The following WWOX variants were observed in gnomAD, a reference collection of about 807,000 sequenced individuals.
The protein encoded by WWOX is WW domain-containing oxidoreductase.
A neutral mutation model predicts 46.2 loss-of-function variants in WWOX; 69 were observed. The ratio of observed to expected loss-of-function variants is 1.49; its 90% CI spans 1.23 to 1.82. The LOEUF is 1.82. WWOX is among the 40% of genes most tolerant of loss of function. The probability of loss-of-function intolerance (pLI) is 0.00; values close to 1 mark genes in which losing one functional copy is unlikely to be tolerated. For synonymous variants in WWOX, 359 were observed against 202.6 expected, an observed-to-expected ratio of 1.77 and a Z score of -6.56; for missense variants, 919 against 542.6, an observed-to-expected ratio of 1.69 and a Z score of -6.89.
At chr16:78,337,913 G>A (rs1397102330) in intron 5 of WWOX, among the ~76,000 whole-genome samples, 1 of 114,702 alleles carries the variant, frequency 8.7e-6, no homozygotes, top group Non-Finnish European at 2.1e-5. Flanking sequence ...GGCAGTGCCT[G>A]TCCTGCTAAC....
chr16:78,876,965 T>C (rs2044246378), intron 8 of WWOX, among the ~76,000 whole-genome samples: 1 of 152,182 alleles, frequency 6.6e-6, no homozygotes, highest in South Asian at 2.1e-4. Flanking sequence ...GTTTCCTCTG[T>C]ATAGTCTTAT....
chr16:78,164,110 G>T, intron 4 of WWOX, 73 bp from the exon 5 acceptor site: 2 of 1,378,758 alleles, frequency 1.5e-6, no homozygotes, highest in South Asian at 1.2e-5. Context: ...GTGGTGCTCC[G>T]GTAAAGGCCA....
At chr16:78,269,938 C>A (rs78774620) in intron 5 of WWOX, among the ~76,000 whole-genome samples, 18,042 of 110,770 alleles carry the variant, frequency 0.16, 1,270 homozygotes, top group Middle Eastern at 0.25. Context: ...TTTTTACTTT[C>A]ACCAGGTATT....
intron 5 of WWOX, among the ~76,000 whole-genome samples, chr16:78,275,044 G>A (rs1353786424): frequency 6.6e-6 from 1 of 152,128 alleles, no homozygotes; most frequent in Non-Finnish European, 1.5e-5. Flanking sequence ...GAGCTCCCAT[G>A]ATATAACAGG....
At chr16:78,578,241 T>G (rs1287772766) in intron 8 of WWOX, among the ~76,000 whole-genome samples, 1 of 126,726 alleles carries the variant, frequency 7.9e-6, no homozygotes, top group African/African-American at 2.8e-5. Flanking sequence ...CAAATATATG[T>G]GCATACCAAA....
chr16:78,595,030 T>G (rs2045453914), intron 8 of WWOX, among the ~76,000 whole-genome samples: 1 of 152,194 alleles, frequency 6.6e-6, no homozygotes, highest in South Asian at 2.1e-4. Flanking sequence ...CCAGAGTGGT[T>G]TGGGAAAGCA....
intron 5 of WWOX, among the ~76,000 whole-genome samples, chr16:78,381,550 A>C (rs764730018): frequency 5.3e-4 from 11 of 20,600 alleles, no homozygotes; most frequent in Admixed American, 2.0e-3. Flanking sequence ...TCTGTTTTAA[A>C]ATGATGGGTA....
chr16:78,790,566 A>G (rs1597614345), intron 8 of WWOX, among the ~76,000 whole-genome samples: 2 of 152,332 alleles, frequency 1.3e-5, no homozygotes, highest in East Asian at 3.9e-4. Flanking sequence ...CCTATTTAAC[A>G]TGGAGGAGAT....
At chr16:78,656,958 C>G (rs548023891) in intron 8 of WWOX, among the ~76,000 whole-genome samples, 65 of 152,192 alleles carry the variant, frequency 4.3e-4, no homozygotes, top group Non-Finnish European at 7.9e-4. Context: ...GGTCCATGCT[C>G]AGATTCTGGA....
chr16:78,321,477 C>T lies in WWOX; in HGVS notation c.517-65383C>T, dbSNP rs185485954. Among the ~76,000 whole-genome samples the T allele has an allele frequency of 1.4e-3, 207 of 150,244 alleles. 1 individual carries two copies. Among genetic ancestry groups the T allele is most frequent in the Non-Finnish European group, 2.5e-3 (172 of 67,746 alleles). On this transcript the variant is annotated intron_variant, in intron 5 of 8. Coordinates refer to ENST00000566780, the MANE Select transcript of WWOX (RefSeq NM_016373.4). The stretch of plus-strand genomic sequence containing the variant: ...TGTTAAGGCTAGAGTAGAATGACAT[C>T]ATGGGAAGGCTTATTGAAACTTGGA...
chr16:78,283,580 T>G (rs2079717864), intron 5 of WWOX, among the ~76,000 whole-genome samples: 1 of 152,202 alleles, frequency 6.6e-6, no homozygotes, highest in Non-Finnish European at 1.5e-5. Flanking sequence ...GATACAGTTT[T>G]CTTTAACTCA....
At chr16:78,743,031 G>A (rs113611582) in intron 8 of WWOX, among the ~76,000 whole-genome samples, 4,575 of 145,666 alleles carry the variant, frequency 0.031, 146 homozygotes, top group African/African-American at 0.095. Flanking sequence ...TACTGCAGCC[G>A]GGAGGTTAGG....
At chr16:78,918,593 T>A (rs2045305850) in intron 8 of WWOX, among the ~76,000 whole-genome samples, 1 of 152,196 alleles carries the variant, frequency 6.6e-6, no homozygotes, top group South Asian at 2.1e-4. Flanking sequence ...TGTTACTATT[T>A]TGTGTATTCC....
intron 6 of WWOX, among the ~76,000 whole-genome samples, chr16:78,396,407 A>T (rs1226040500): frequency 6.6e-6 from 1 of 152,174 alleles, no homozygotes; most frequent in Non-Finnish European, 1.5e-5. Context: ...TCACAAAATA[A>T]ACATTTTTGA....
intron 8 of WWOX, among the ~76,000 whole-genome samples, chr16:78,708,439 G>A (rs1238531047): frequency 1.3e-5 from 2 of 152,156 alleles, no homozygotes; most frequent in Non-Finnish European, 2.9e-5. Context: ...CTGTGTCACA[G>A]GGTCTTGGTA....
At chr16:78,157,875 A>G (rs2034659111) in intron 4 of WWOX, among the ~76,000 whole-genome samples, 1 of 152,224 alleles carries the variant, frequency 6.6e-6, no homozygotes, top group African/African-American at 2.4e-5. Flanking sequence ...GAATTGGGTA[A>G]GAGGCATAGG....
chr16:78,934,616 G>T (rs575316786), intron 8 of WWOX, among the ~76,000 whole-genome samples: 1 of 151,268 alleles, frequency 6.6e-6, no homozygotes, highest in Admixed American at 6.6e-5. Flanking sequence ...CTTCCCCTAT[G>T]ACCCACCACC....
chr16:78,791,552 C>G (rs1567562208), intron 8 of WWOX, among the ~76,000 whole-genome samples: 4 of 152,084 alleles, frequency 2.6e-5, no homozygotes, highest in Non-Finnish European at 5.9e-5. Context: ...AGGATCATAC[C>G]TTCGCAGGCC....
intron 8 of WWOX, among the ~76,000 whole-genome samples, chr16:78,703,519 T>G (rs545916354): frequency 6.6e-6 from 1 of 151,996 alleles, no homozygotes. Flanking sequence ...AGAGGGAGGC[T>G]GAAGCAGGAG....
Sources: gnomAD v4.1 joint callset for allele counts (sites outside exome capture counted in the v4.1 genomes callset) on GRCh38, gnomAD v4.1.1 for gene constraint, MANE v1.5 for transcripts, NCBI Gene and HGNC (gene_info 2026-07-23, HGNC 2026-07-21) for gene names.